Variants in ZSWIM7 observed in about 807,000 individuals in gnomAD.
ZSWIM7 encodes zinc finger SWIM-type containing 7.
A neutral mutation model predicts 21.1 loss-of-function variants in ZSWIM7; 22 were observed. That is an observed-to-expected ratio of 1.04 (90% CI 0.74 to 1.49). The LOEUF (loss-of-function observed/expected upper bound fraction) is 1.49, where lower values mean the gene tolerates loss of function less well. Ranked by LOEUF, ZSWIM7 falls within the 40% of genes most tolerant of loss-of-function variation. The probability of loss-of-function intolerance (pLI) is 0.00; values close to 1 mark genes in which losing one functional copy is unlikely to be tolerated. For missense variants in ZSWIM7, 193 were observed against 168.0 expected (o/e 1.15, Z -0.82); for synonymous variants, 67 against 66.5 (o/e 1.01, Z -0.04).
rs754703091 is a variant in ZSWIM7, at chr17:15,987,327, T to A, written c.140A>T (p.Asp47Val). ...LFGSSATQAL[D>V]LVDRQSITLI... ...GGTGATGGACTGTCGATCAACTAGG[T>A]CCAAGGCCTGGGTGGCTGATGAGCC... The change falls in exon 3 of 5, where the codon GAC becomes GTC. Residue 47 changes from aspartate to valine, a missense_variant. Transcript: ENST00000399277. 6 of 1,613,622 alleles carry A rather than the reference T, an allele frequency of 3.7e-6. No individual in the cohort carries two copies. Among genetic ancestry groups the A allele is most frequent in the Non-Finnish European group, 5.1e-6 (6 of 1,179,826 alleles).
At chr17:15,986,367 T>C (rs1970410699) in intron 3 of ZSWIM7, among the ~76,000 whole-genome samples, 1 of 152,110 alleles carries the variant, frequency 6.6e-6, no homozygotes, top group Non-Finnish European at 1.5e-5. Flanking sequence ...TACAAAAATT[T>C]CTGGAGGATT....
In ZSWIM7 at chr17:15,987,285, C is replaced by A; in HGVS notation, c.182G>T (p.Ser61Ile). 6.2e-7 allele frequency: 1 copy of A among 1,613,056 alleles called. No individual in the cohort carries two copies. Among genetic ancestry groups the A allele is most frequent in the Non-Finnish European group, 8.5e-7 (1 of 1,179,572 alleles). Residue 61 changes from serine (S) to isoleucine (I), a missense_variant, in exon 3 of 5, where the codon AGT (serine) becomes ATT (isoleucine). Coordinates refer to ENST00000399277, the MANE Select transcript of ZSWIM7 (RefSeq NM_001042697.2). ...TTCTACCTGGTAAACACGCCTTCCA[C>A]TGGGTGATGAGATTAAGGTGATGGA... Reference protein sequence around the residue: ...RQSITLISSPSGRRVYQVLGS... With the variant: ...RQSITLISSPIGRRVYQVLGS...
intron 2 of ZSWIM7, chr17:15,991,002 G>A (rs1440883716): frequency 2.0e-5 from 3 of 152,152 alleles, no homozygotes; most frequent in Non-Finnish European, 4.4e-5. Flanking sequence ...CAGCTACTCA[G>A]GAGGCTGAGG....
chr17:15,996,946 C>T (rs1970562418), intron 1 of ZSWIM7, among the ~76,000 whole-genome samples: 1 of 151,886 alleles, frequency 6.6e-6, no homozygotes, highest in African/African-American at 2.4e-5. Context: ...ACCTCTTGAG[C>T]TCCAGACTTC....
intron 4 of ZSWIM7, among the ~76,000 whole-genome samples, chr17:15,978,845 C>T (rs1368317581): frequency 6.6e-6 from 1 of 152,104 alleles, no homozygotes; most frequent in Non-Finnish European, 1.5e-5. Flanking sequence ...AGGCACTAGG[C>T]TGTGAAGTGC....
At chr17:15,993,899 C>T (rs1310404891) in intron 1 of ZSWIM7, 121 bp from the exon 2 acceptor site, 4 of 687,442 alleles carry the variant, frequency 5.8e-6, no homozygotes, top group Non-Finnish European at 1.0e-5. Context: ...TGAACCTATG[C>T]ATCTGGTTTT....
At chr17:15,996,238 G>A (rs149833875) in intron 1 of ZSWIM7, among the ~76,000 whole-genome samples, 1 of 152,184 alleles carries the variant, frequency 6.6e-6, no homozygotes, top group African/African-American at 2.4e-5. Context: ...AGGAGGCAGA[G>A]GGTGCGGTGA....
chr17:15,984,895 A>G (rs1193226569), intron 3 of ZSWIM7, among the ~76,000 whole-genome samples: 2 of 152,242 alleles, frequency 1.3e-5, no homozygotes, highest in Non-Finnish European at 2.9e-5. Flanking sequence ...GATACACAGC[A>G]TGAATGAGAT....
intron 1 of ZSWIM7, among the ~76,000 whole-genome samples, chr17:15,997,776 A>G (rs998797977): frequency 4.6e-5 from 7 of 152,184 alleles, no homozygotes; most frequent in Non-Finnish European, 5.9e-5. Context: ...AGGACTGTCA[A>G]TGTGTCTTGT....
At chr17:15,979,057 A>G (rs1970313344) in intron 4 of ZSWIM7, among the ~76,000 whole-genome samples, 3 of 149,510 alleles carry the variant, frequency 2.0e-5, no homozygotes, top group Admixed American at 6.7e-5. Flanking sequence ...GCAGGGTCAT[A>G]GGACAATAGT....
intron 2 of ZSWIM7, among the ~76,000 whole-genome samples, chr17:15,988,824 T>C (rs972457499): frequency 5.3e-5 from 8 of 151,828 alleles, no homozygotes; most frequent in Non-Finnish European, 7.4e-5. Flanking sequence ...ATCGAGACCA[T>C]CCTGGCTAAC....
chr17:15,988,103 A>C (rs1185796482), intron 2 of ZSWIM7, among the ~76,000 whole-genome samples: 2 of 152,172 alleles, frequency 1.3e-5, no homozygotes, highest in African/African-American at 2.4e-5. Flanking sequence ...CATACATAAC[A>C]AACACACGTG....
In ZSWIM7 at chr17:15,987,303, G is replaced by C; in HGVS notation, c.164C>G (p.Thr55Ser). 1.9e-6 allele frequency: 3 copies of C among 1,613,772 alleles called. No individual in the cohort carries two copies. Among genetic ancestry groups the C allele is most frequent in the Non-Finnish European group, 2.5e-6 (3 of 1,179,862 alleles). ...CCTTCCACTGGGTGATGAGATTAAG[G>C]TGATGGACTGTCGATCAACTAGGTC... is the stretch of plus-strand genomic sequence containing the variant. ...ALDLVDRQSI[T>S]LISSPSGRRV... Residue 55 changes from threonine (T) to serine (S), a missense_variant, in exon 3 of 5, where the codon ACC (threonine) becomes AGC (serine). Coordinates refer to ENST00000399277, the MANE Select transcript of ZSWIM7 (RefSeq NM_001042697.2).
chr17:15,983,947 T>C (rs1397314979), intron 3 of ZSWIM7, among the ~76,000 whole-genome samples: 1 of 152,144 alleles, frequency 6.6e-6, no homozygotes, highest in Non-Finnish European at 1.5e-5. Context: ...CTTCTCCCTT[T>C]AGTTATCTCG....
intron 2 of ZSWIM7, among the ~76,000 whole-genome samples, chr17:15,988,329 T>C (rs1970441062): frequency 1.3e-5 from 2 of 152,208 alleles, no homozygotes; most frequent in African/African-American, 2.4e-5. Flanking sequence ...TTGAATAATA[T>C]TCCATTATAT....
At chr17:15,979,530 G>A (rs1012025536) in intron 4 of ZSWIM7, among the ~76,000 whole-genome samples, 8 of 152,128 alleles carry the variant, frequency 5.3e-5, no homozygotes, top group South Asian at 4.1e-4. Flanking sequence ...GGTGGTGGCC[G>A]GGCAGAGGGG....
intron 4 of ZSWIM7, 108 bp from the exon 5 acceptor site, chr17:15,978,271 T>A: frequency 1.2e-6 from 1 of 804,414 alleles, no homozygotes; most frequent in Non-Finnish European, 2.1e-6. Context: ...GACTAGAGCA[T>A]ACAGATTACG....
chr17:15,980,975 C>G lies in ZSWIM7; in HGVS notation c.306+65G>C, dbSNP rs768050018. On this transcript the variant is annotated intron_variant, in intron 4 of 4. Coordinates refer to ENST00000399277, the MANE Select transcript of ZSWIM7 (RefSeq NM_001042697.2). ...ATTCCCATTTTGTAGAATAGTTAAA[C>G]CACAAAGTAAGGGCAATTTCTCTCT... 25 of 1,268,186 alleles carry G rather than the reference C, an allele frequency of 2.0e-5. No individual in the cohort carries two copies. In the Admixed American group the frequency reaches 2.4e-4, roughly 12 times the overall value. 78.6% of individuals were successfully genotyped at this position (1,268,186 alleles called of 1,614,324 possible). A position where few individuals can be genotyped will look rare whatever the true frequency, so the allele number is the denominator to read the frequency against.
chr17:15,993,687 G>T, intron 2 of ZSWIM7, 70 bp downstream of exon 2: 1 of 1,195,578 alleles, frequency 8.4e-7, no homozygotes, highest in Non-Finnish European at 1.2e-6. Flanking sequence ...TAAAAATCAA[G>T]AGTTGATGTT....
Sources: gnomAD v4.1 joint callset for allele counts (sites outside exome capture counted in the v4.1 genomes callset) on GRCh38, gnomAD v4.1.1 for gene constraint, MANE v1.5 for transcripts, NCBI Gene and HGNC (gene_info 2026-07-23, HGNC 2026-07-21) for gene names.